CLEC19A: variants seen among roughly 807,000 people sequenced by gnomAD.
CLEC19A encodes the protein C-type lectin domain containing 19A.
CLEC19A carries 21 observed loss-of-function variants against 26.1 expected under a neutral mutation model. That is an observed-to-expected ratio of 0.80 (90% confidence interval 0.57 to 1.16). The LOEUF (loss-of-function observed/expected upper bound fraction) is 1.16, where lower values mean the gene tolerates loss of function less well. Ranked by LOEUF, CLEC19A falls within the 50% of genes most tolerant of loss-of-function variation. The probability of loss-of-function intolerance (pLI) is 0.00; values close to 1 mark genes in which losing one functional copy is unlikely to be tolerated. For missense variants in CLEC19A, 224 were observed against 227.6 expected, an observed-to-expected ratio of 0.98 and a Z score of 0.10; for synonymous variants, 89 against 88.6, an observed-to-expected ratio of 1.00 and a Z score of -0.03.
At chr16:19,308,277 A>G (rs141957300) in intron 4 of CLEC19A, among the ~76,000 whole-genome samples, 3 of 152,348 alleles carry the variant, frequency 2.0e-5, no homozygotes, top group African/African-American at 7.2e-5. Flanking sequence ...TGGCAAGAGC[A>G]TGGACTCGGG....
intron 1 of CLEC19A, among the ~76,000 whole-genome samples, chr16:19,291,417 T>A (rs1897580758): frequency 1.3e-5 from 2 of 152,196 alleles, no homozygotes; most frequent in South Asian, 2.1e-4. Context: ...AGCTGTGCGA[T>A]CTTGGGCAAG....
At position 19,309,973 on chromosome 16, in the gene CLEC19A, A is replaced by C. The variant is rs1898036970; in HGVS notation, c.*890A>C. On this transcript the variant is annotated 3_prime_UTR_variant, in exon 5 of 5. Coordinates refer to ENST00000636231, the MANE Select transcript of CLEC19A (RefSeq NM_001256720.2). ...ATACATCTTAAATATTCCCGTCAAC[A>C]CATGGGCTCAAAGATGAGGCTGGTT... The C allele has an allele frequency of 6.6e-6, 1 of 152,144 alleles. No individual in the cohort carries two copies. The highest frequency in any genetic ancestry group is 1.5e-5 in the Non-Finnish European group (1 of 68,036). The allele number at this position is 152,144 out of a possible 1,614,324, so 9.4% of individuals were successfully genotyped here. A position where few individuals can be genotyped will look rare whatever the true frequency, so the allele number is the denominator to read the frequency against.
At chr16:19,298,890 A>G (rs924458661) in intron 2 of CLEC19A, 52 bp downstream of exon 2, 13 of 1,485,248 alleles carry the variant, frequency 8.8e-6, no homozygotes, top group Non-Finnish European at 1.1e-5. Context: ...CCCTTGGGAA[A>G]TGGGGTGGAG....
intron 2 of CLEC19A, among the ~76,000 whole-genome samples, chr16:19,300,980 C>T (rs1897806367): frequency 6.6e-6 from 1 of 152,170 alleles, no homozygotes; most frequent in Non-Finnish European, 1.5e-5. Flanking sequence ...AACTGAAAGC[C>T]AGCTAACATG....
chr16:19,300,784 A>C (rs1465980773), intron 2 of CLEC19A, among the ~76,000 whole-genome samples: 1 of 152,202 alleles, frequency 6.6e-6, no homozygotes, highest in Non-Finnish European at 1.5e-5. Context: ...GTAGTGAGGC[A>C]AACTAGAGAT....
rs944826251 is a variant in CLEC19A at position 19,309,095 on chromosome 16, C to G, written c.*12C>G. On this transcript the variant is annotated 3_prime_UTR_variant, in exon 5 of 5. Coordinates refer to ENST00000636231, the MANE Select transcript of CLEC19A (RefSeq NM_001256720.2). ...TGACCATTCATTGATCCTGTCTTGT[C>G]CTACTGGTGTGAGCTCAACTCTAGT... The G allele has an allele frequency of 1.0e-5, 16 of 1,543,892 alleles. No homozygotes were observed. In the Admixed American group the frequency reaches 3.1e-4, roughly 30 times the overall value.
intron 2 of CLEC19A, among the ~76,000 whole-genome samples, chr16:19,299,696 C>A (rs939468435): frequency 4.6e-5 from 7 of 152,220 alleles, no homozygotes; most frequent in Admixed American, 3.9e-4. Flanking sequence ...TTCTGACCCC[C>A]TAATTACACT....
At position 19,304,092 on chromosome 16, in the gene CLEC19A, C is replaced by T. The variant is rs1340449619; in HGVS notation, c.285C>T (p.Leu95=). The T allele has an allele frequency of 1.9e-6, 3 of 1,550,348 alleles. No individual in the cohort carries two copies. Among genetic ancestry groups the T allele is most frequent in the Admixed American group, 2.0e-5 (1 of 50,976 alleles). ...AGGAGAATGTCTTTGTATATGACCT[C>T]GTGAACAGCTGTGTTCCCGGCATCC... ...SWEENVFVYD[L]VNSCVPGIPA... Residue 95 remains leucine (L), a synonymous_variant, in exon 3 of 5, where the codon CTC becomes CTT. Transcript: ENST00000636231.
chr16:19,302,815 C>T (rs1401379330), intron 2 of CLEC19A, among the ~76,000 whole-genome samples: 2 of 152,200 alleles, frequency 1.3e-5, no homozygotes, highest in African/African-American at 4.8e-5. Flanking sequence ...TCAGCGTCTT[C>T]AATGCAGCAG....
intron 2 of CLEC19A, among the ~76,000 whole-genome samples, chr16:19,302,600 C>A (rs1307420405): frequency 6.6e-6 from 1 of 152,120 alleles, no homozygotes; most frequent in African/African-American, 2.4e-5. Context: ...TAAAGTTCGC[C>A]TTTTAGTGCC....
chr16:19,294,820 A>G lies in CLEC19A; in HGVS notation c.89-3853A>G, dbSNP rs967106469. Reference sequence around the variant, plus strand: ...TGTCTTAATTTTTGTTCAAGAAAATAGGAACAGGCTAAGAAATGTGAATGT... The same window carrying G: ...TGTCTTAATTTTTGTTCAAGAAAATGGGAACAGGCTAAGAAATGTGAATGT... On this transcript the variant is annotated intron_variant, in intron 1 of 4. Coordinates refer to ENST00000636231, the MANE Select transcript of CLEC19A (RefSeq NM_001256720.2). 3.3e-5 allele frequency among the ~76,000 whole-genome samples: 5 copies of G among 152,214 alleles called. No individual in the cohort carries two copies. In the East Asian group the frequency reaches 9.6e-4, roughly 29 times the overall value.
chr16:19,306,000 T>C lies in CLEC19A; in HGVS notation c.349-1545T>C, dbSNP rs768692354. Among the ~76,000 whole-genome samples the C allele has an allele frequency of 1.1e-3, 161 of 151,768 alleles. 1 individual carries two copies. In the Middle Eastern group the frequency reaches 0.014, roughly 13 times the overall value. On this transcript the variant is annotated intron_variant, in intron 3 of 4. Transcript: ENST00000636231. ...CTGGGATTACAGGAAGCCGCCACCA[T>C]GCCCGGCTAATTTTTTGTAGTTTTA... is the stretch of plus-strand genomic sequence containing the variant.
chr16:19,291,870 C>T (rs987988235), intron 1 of CLEC19A, among the ~76,000 whole-genome samples: 11 of 152,182 alleles, frequency 7.2e-5, no homozygotes, highest in African/African-American at 2.7e-4. Context: ...AGTGACCTGT[C>T]ACAGCCCCAT....
chr16:19,296,386 G>A (rs1897705452), intron 1 of CLEC19A, among the ~76,000 whole-genome samples: 1 of 113,398 alleles, frequency 8.8e-6, no homozygotes, highest in African/African-American at 4.1e-5. Flanking sequence ...AAATTCACTG[G>A]ATCCCTGCAG....
intron 1 of CLEC19A, among the ~76,000 whole-genome samples, chr16:19,291,458 C>A (rs531733404): frequency 6.6e-6 from 1 of 152,280 alleles, no homozygotes; most frequent in African/African-American, 2.4e-5. Flanking sequence ...CTGGTTTCTT[C>A]ATCTGTGAAG....
intron 2 of CLEC19A, among the ~76,000 whole-genome samples, chr16:19,301,751 TTTTTTTTTTTTTTG>T (rs1209813193): frequency 3.0e-5 from 4 of 133,084 alleles, no homozygotes; most frequent in Non-Finnish European, 4.8e-5. Flanking sequence ...TTTTTTTTTT[TTTTTTTTTTTTTTG>T]TATTTTTAGC....
intron 1 of CLEC19A, among the ~76,000 whole-genome samples, chr16:19,287,727 G>A (rs1897503001): frequency 6.6e-6 from 1 of 152,178 alleles, no homozygotes; most frequent in African/African-American, 2.4e-5. Context: ...TGAGACTCAA[G>A]TTTCCTCACC....
Position 19,289,226 on chromosome 16 carries a change from C to T in CLEC19A, c.88+3287C>T, listed in dbSNP as rs137993837. 5.5e-3 allele frequency among the ~76,000 whole-genome samples: 830 copies of T among 152,276 alleles called. 7 individuals carry two copies. The highest frequency in any genetic ancestry group is 0.018 in the African/African-American group (764 of 41,570). On this transcript the variant is annotated intron_variant, in intron 1 of 4. Transcript: ENST00000636231. ...TCCCTTGGACATTCTATCCAGTTCC[C>T]CCTCCTCCTCTATGGTCACAGAGCA...
chr16:19,307,795 G>A, intron 4 of CLEC19A, 118 bp downstream of exon 4: 1 of 1,366,202 alleles, frequency 7.3e-7, no homozygotes, highest in South Asian at 1.4e-5. Flanking sequence ...CTGGCAAATT[G>A]TTCAGCACCT....
Sources: allele counts gnomAD v4.1 joint callset (sites outside exome capture counted in the v4.1 genomes callset), GRCh38; gene constraint gnomAD v4.1.1; transcripts MANE v1.5; gene names NCBI Gene and HGNC (gene_info 2026-07-23, HGNC 2026-07-21).